The following THSD4 variants were observed in gnomAD, a reference collection of about 807,000 sequenced individuals.
THSD4 encodes the protein thrombospondin type-1 domain-containing protein 4.
Under a neutral mutation model 119.0 loss-of-function variants are expected in THSD4, and 69 were observed. That is an observed-to-expected ratio of 0.58 (90% CI 0.48 to 0.71). The LOEUF (loss-of-function observed/expected upper bound fraction) is 0.71. Ranked by LOEUF, THSD4 falls within the 30% of genes least tolerant of loss-of-function variation. THSD4 has a pLI of 0.00. For missense variants in THSD4, 1,393 were observed against 1,391.1 expected (o/e 1.00, Z -0.02); for synonymous variants, 524 against 540.4 (o/e 0.97, Z 0.42).
intron 10 of THSD4, among the ~76,000 whole-genome samples, chr15:71,734,490 G>A (rs2053043041): frequency 1.3e-5 from 2 of 152,172 alleles, no homozygotes; most frequent in African/African-American, 4.8e-5. Flanking sequence ...GCCAGGGGCT[G>A]GGAGGACAGA....
intron 6 of THSD4, among the ~76,000 whole-genome samples, chr15:71,259,335 G>T (rs774380462): frequency 1.4e-4 from 21 of 152,186 alleles, no homozygotes; most frequent in Non-Finnish European, 2.9e-4. Flanking sequence ...TGGACTGCCA[G>T]CCTCTAGAAC....
At chr15:71,652,108 A>G (rs1048051598) in intron 7 of THSD4, among the ~76,000 whole-genome samples, 19 of 152,244 alleles carry the variant, frequency 1.2e-4, no homozygotes, top group African/African-American at 3.6e-4. Context: ...CCAACTCACT[A>G]TTGCCTTTTT....
rs376228869 is a variant in THSD4 at position 71,281,522 on chromosome 15, A to G, written c.1015+24807A>G. Among the ~76,000 whole-genome samples, 268 of 152,338 alleles carry G rather than the reference A, an allele frequency of 1.8e-3. 8 individuals carry two copies. The South Asian group carries it at 0.053, about 30-fold the overall frequency. On this transcript the variant is annotated intron_variant, in intron 6 of 17. Coordinates refer to ENST00000261862, the MANE Select transcript of THSD4 (RefSeq NM_024817.3). Reference sequence around the variant, plus strand: ...ATGTCAAGAGTCTGCTGTATATCCAAATTTACAAAACAGATAAATTATTGA... The same window carrying G: ...ATGTCAAGAGTCTGCTGTATATCCAGATTTACAAAACAGATAAATTATTGA...
chr15:71,591,036 A>G (rs1006994606), intron 7 of THSD4, among the ~76,000 whole-genome samples: 1 of 147,446 alleles, frequency 6.8e-6, no homozygotes, highest in African/African-American at 2.5e-5. Context: ...AAAAAAAAAA[A>G]AGTTGAAGAA....
intron 7 of THSD4, among the ~76,000 whole-genome samples, chr15:71,554,490 G>A (rs890909738): frequency 2.0e-5 from 3 of 152,106 alleles, no homozygotes; most frequent in East Asian, 1.9e-4. Flanking sequence ...CCAGGCTCAA[G>A]TAATCCTCCT....
At position 71,239,330 on chromosome 15, in the gene THSD4, C is replaced by T. The variant is rs1004848315; in HGVS notation, c.465-3319C>T. ...CTTCCACGACCCTGACTGTTATCTC[C>T]TTAAATATTGCATCCTAGTTGCTTC... On this transcript the variant is annotated intron_variant, in intron 4 of 17. Coordinates refer to ENST00000261862, the MANE Select transcript of THSD4 (RefSeq NM_024817.3). Among the ~76,000 whole-genome samples, 12 of 152,254 alleles carry T rather than the reference C, an allele frequency of 7.9e-5. No individual in the cohort carries two copies. The South Asian group carries it at 1.2e-3, about 16-fold the overall frequency.
At chr15:71,256,536 A>T in intron 5 of THSD4, 77 bp from the exon 6 acceptor site, 1 of 1,102,268 alleles carries the variant, frequency 9.1e-7, no homozygotes, top group East Asian at 2.7e-5. Flanking sequence ...TTGGAAAGGT[A>T]TCCAGGGTTT....
At chr15:71,204,472 G>A (rs1199422159) in intron 3 of THSD4, among the ~76,000 whole-genome samples, 2 of 152,106 alleles carry the variant, frequency 1.3e-5, no homozygotes, top group Admixed American at 6.6e-5. Context: ...TACTTGAAGC[G>A]AATCAATAAG....
chr15:71,585,138 G>T (rs994678120), intron 7 of THSD4, among the ~76,000 whole-genome samples: 2 of 152,090 alleles, frequency 1.3e-5, no homozygotes, highest in Admixed American at 6.5e-5. Flanking sequence ...ACAATATTGG[G>T]TTATTCTGAT....
intron 7 of THSD4, among the ~76,000 whole-genome samples, chr15:71,503,237 C>A (rs1191262202): frequency 6.6e-6 from 1 of 152,170 alleles, no homozygotes; most frequent in Non-Finnish European, 1.5e-5. Context: ...GGGAATGATC[C>A]TGGCATGTTT....
chr15:71,160,610 G>A (rs2043240943), intron 3 of THSD4, among the ~76,000 whole-genome samples: 1 of 151,832 alleles, frequency 6.6e-6, no homozygotes, highest in Non-Finnish European at 1.5e-5. Context: ...GTGTATAGTT[G>A]TTCATAATAG....
chr15:71,549,764 G>A (rs1338093812), intron 7 of THSD4: 1 of 152,264 alleles, frequency 6.6e-6, no homozygotes. Flanking sequence ...GCGCTTGGAG[G>A]GCTGTGTTCT....
intron 4 of THSD4, 128 bp downstream of exon 4, chr15:71,215,527 C>T: frequency 1.9e-6 from 2 of 1,034,810 alleles, no homozygotes; most frequent in Middle Eastern, 2.7e-4. Context: ...TGCCAGGTGG[C>T]AAGGAGCTCT....
chr15:71,608,482 G>A (rs1301502477), intron 7 of THSD4, among the ~76,000 whole-genome samples: 2 of 152,042 alleles, frequency 1.3e-5, no homozygotes, highest in Non-Finnish European at 2.9e-5. Flanking sequence ...CATGATATGA[G>A]CATGCAATAA....
intron 15 of THSD4, among the ~76,000 whole-genome samples, chr15:71,761,902 T>G (rs1368953119): frequency 1.3e-5 from 2 of 152,222 alleles, no homozygotes; most frequent in African/African-American, 4.8e-5. Flanking sequence ...CCGGCTGCTC[T>G]TGGCCAGTAA....
At chr15:71,242,564 CCT>C in intron 4 of THSD4, 83 bp from the exon 5 acceptor site, 1 of 1,435,056 alleles carries the variant, frequency 7.0e-7, no homozygotes, top group Non-Finnish European at 9.6e-7. Context: ...CCTACCTGGT[CCT>C]CTCTACCACG....
intron 8 of THSD4, among the ~76,000 whole-genome samples, chr15:71,671,129 C>T (rs1348566906): frequency 6.6e-6 from 1 of 152,202 alleles, no homozygotes; most frequent in Non-Finnish European, 1.5e-5. Context: ...TATTTCTCCA[C>T]ATCCTCTCCA....
chr15:71,510,498 A>C (rs945526892), intron 7 of THSD4, among the ~76,000 whole-genome samples: 7 of 152,196 alleles, frequency 4.6e-5, no homozygotes, highest in Non-Finnish European at 1.0e-4. Flanking sequence ...CTGGAGAGAA[A>C]GATGGTGTGA....
At position 71,261,477 on chromosome 15, in the gene THSD4, A is replaced by G. The variant is rs538037558; in HGVS notation, c.1015+4762A>G. 1.2e-4 allele frequency among the ~76,000 whole-genome samples: 18 copies of G among 152,294 alleles called. No individual in the cohort carries two copies. In the South Asian group the frequency reaches 2.5e-3, roughly 21 times the overall value. On this transcript the variant is annotated intron_variant, in intron 6 of 17. Transcript: ENST00000261862. ...AACAGGACGCCAACCAGTTTGTGTGATATATTACATCAGTCCTAGGAAACT... is the reference window on the plus strand; with the variant it reads ...AACAGGACGCCAACCAGTTTGTGTGGTATATTACATCAGTCCTAGGAAACT...
Sources: gnomAD v4.1 joint callset for allele counts (sites outside exome capture counted in the v4.1 genomes callset) on GRCh38, gnomAD v4.1.1 for gene constraint, MANE v1.5 for transcripts, NCBI Gene and HGNC (gene_info 2026-07-23, HGNC 2026-07-21) for gene names.